SH3GL2: variants seen among roughly 807,000 people sequenced by gnomAD.
SH3GL2 encodes endophilin-A1.
Under a neutral mutation model 46.0 loss-of-function variants are expected in SH3GL2, and 24 were observed. The observed-to-expected ratio is 0.52, with a 90% CI of 0.38 to 0.73. The LOEUF (loss-of-function observed/expected upper bound fraction) is 0.73. Ranked by LOEUF, SH3GL2 falls within the 30% of genes least tolerant of loss-of-function variation. The probability of loss-of-function intolerance (pLI) is 0.00; values close to 1 mark genes in which losing one functional copy is unlikely to be tolerated. For missense variants in SH3GL2, 413 were observed against 424.2 expected (o/e 0.97, Z 0.23); for synonymous variants, 196 against 147.1 (o/e 1.33, Z -2.40).
intron 1 of SH3GL2, among the ~76,000 whole-genome samples, chr9:17,629,497 C>T (rs1045328050): frequency 6.6e-6 from 1 of 152,082 alleles, no homozygotes; most frequent in African/African-American, 2.4e-5. Context: ...TCATAACATT[C>T]TTCCAAAAAA....
At chr9:17,598,521 T>C (rs1017827917) in intron 1 of SH3GL2, among the ~76,000 whole-genome samples, 2 of 152,166 alleles carry the variant, frequency 1.3e-5, no homozygotes, top group African/African-American at 4.8e-5. Context: ...CTTTGCAGAG[T>C]TGCGGGCCAA....
At chr9:17,654,615 T>C (rs956276618) in intron 1 of SH3GL2, among the ~76,000 whole-genome samples, 1 of 152,192 alleles carries the variant, frequency 6.6e-6, no homozygotes, top group Non-Finnish European at 1.5e-5. Context: ...TCTATCTATA[T>C]CATGTCTAGG....
At position 17,588,701 on chromosome 9, in the gene SH3GL2, T is replaced by C. The variant is rs540093845; in HGVS notation, c.45+9414T>C. Among the ~76,000 whole-genome samples, 48 of 152,346 alleles carry C rather than the reference T, an allele frequency of 3.2e-4. 1 individual carries two copies. In the South Asian group the frequency reaches 9.9e-3, roughly 32 times the overall value. ...TAAGAGCCCAGTCTAGCCAACGCCT[T>C]CATTTTGGCCTTGTGAGGCCCTCAA... On this transcript the variant is annotated intron_variant, in intron 1 of 8. Transcript: ENST00000380607.
intron 1 of SH3GL2, among the ~76,000 whole-genome samples, chr9:17,675,582 AAAGGTGCCTT>A (rs765852174): frequency 2.6e-5 from 4 of 152,214 alleles, no homozygotes; most frequent in Non-Finnish European, 5.9e-5. Flanking sequence ...GGAGAGTAAA[AAAGGTGCCTT>A]AAGGATGTAG....
At position 17,597,797 on chromosome 9, in the gene SH3GL2, G is replaced by A. The variant is rs370556619; in HGVS notation, c.45+18510G>A. Among the ~76,000 whole-genome samples, 16 of 152,142 alleles carry A rather than the reference G, an allele frequency of 1.1e-4. 1 individual carries two copies. In the East Asian group the frequency reaches 2.7e-3, roughly 26 times the overall value. On this transcript the variant is annotated intron_variant, in intron 1 of 8. Coordinates refer to ENST00000380607, the MANE Select transcript of SH3GL2 (RefSeq NM_003026.5). ...ATTTAAAAACTCTCTTTGGAGAGTTGCAAGGGCCTGCCTGATCTGACCCTG... is the reference window on the plus strand; with the variant it reads ...ATTTAAAAACTCTCTTTGGAGAGTTACAAGGGCCTGCCTGATCTGACCCTG...
chr9:17,767,423 C>T (rs1228636658), intron 3 of SH3GL2, among the ~76,000 whole-genome samples: 2 of 152,166 alleles, frequency 1.3e-5, no homozygotes, highest in Non-Finnish European at 2.9e-5. Flanking sequence ...TAATCATGTC[C>T]TTCCAAAGAT....
At chr9:17,734,637 T>A (rs1822274726) in intron 1 of SH3GL2, among the ~76,000 whole-genome samples, 2 of 152,096 alleles carry the variant, frequency 1.3e-5, no homozygotes, top group African/African-American at 4.8e-5. Flanking sequence ...AATGAAGCAG[T>A]GATACATGTC....
chr9:17,685,588 G>GT (rs1277062657), intron 1 of SH3GL2, among the ~76,000 whole-genome samples: 5 of 151,944 alleles, frequency 3.3e-5, no homozygotes, highest in Non-Finnish European at 7.4e-5. Flanking sequence ...TAGGTCTAAC[G>GT]TTTAAGTCTT....
chr9:17,579,344 C>T, intron 1 of SH3GL2, 57 bp downstream of exon 1: 2 of 1,277,308 alleles, frequency 1.6e-6, no homozygotes, highest in Non-Finnish European at 1.1e-6. Context: ...GCGAGGGGCG[C>T]GCTCGGCGCT....
intron 1 of SH3GL2, among the ~76,000 whole-genome samples, chr9:17,693,813 G>T (rs966184339): frequency 2.0e-5 from 3 of 152,160 alleles, no homozygotes; most frequent in African/African-American, 7.2e-5. Flanking sequence ...TTGCTTTCAG[G>T]ATAGACACTG....
chr9:17,775,961 A>G (rs1246853897), intron 3 of SH3GL2, among the ~76,000 whole-genome samples: 1 of 152,218 alleles, frequency 6.6e-6, no homozygotes, highest in East Asian at 1.9e-4. Flanking sequence ...CAGTGAAAGA[A>G]GGAAGCCACT....
chr9:17,651,829 T>C (rs1422801814), intron 1 of SH3GL2, among the ~76,000 whole-genome samples: 3 of 152,192 alleles, frequency 2.0e-5, no homozygotes, highest in Non-Finnish European at 4.4e-5. Flanking sequence ...GTCTGTTTTC[T>C]CACTCATTAC....
intron 3 of SH3GL2, among the ~76,000 whole-genome samples, chr9:17,773,718 T>G (rs1823561138): frequency 6.6e-6 from 1 of 152,134 alleles, no homozygotes; most frequent in Non-Finnish European, 1.5e-5. Context: ...TGTAGTGAGT[T>G]TTCAAATCAG....
chr9:17,582,674 C>G (rs1818298589), intron 1 of SH3GL2, among the ~76,000 whole-genome samples: 1 of 152,212 alleles, frequency 6.6e-6, no homozygotes, highest in South Asian at 2.1e-4. Flanking sequence ...CAAAGTACTA[C>G]AAACTGAGTC....
intron 1 of SH3GL2, among the ~76,000 whole-genome samples, chr9:17,627,197 G>A (rs1819301882): frequency 6.6e-6 from 1 of 152,080 alleles, no homozygotes; most frequent in Non-Finnish European, 1.5e-5. Context: ...GTTTTTATTA[G>A]CACTCACCAA....
At chr9:17,729,556 A>G (rs1482567009) in intron 1 of SH3GL2, among the ~76,000 whole-genome samples, 6 of 152,120 alleles carry the variant, frequency 3.9e-5, no homozygotes, top group Non-Finnish European at 5.9e-5. Context: ...CCTGAATGGT[A>G]TTGCCTAGGT....
chr9:17,734,851 A>G (rs1023955497), intron 1 of SH3GL2, among the ~76,000 whole-genome samples: 6 of 152,144 alleles, frequency 3.9e-5, no homozygotes, highest in African/African-American at 1.4e-4. Context: ...TCTTTTTGGT[A>G]TGATGAAAGC....
At chr9:17,770,611 C>G (rs940929663) in intron 3 of SH3GL2, among the ~76,000 whole-genome samples, 3 of 152,130 alleles carry the variant, frequency 2.0e-5, no homozygotes, top group African/African-American at 4.8e-5. Context: ...ATTATATGGC[C>G]AAATCGATGG....
chr9:17,718,008 A>G (rs538998550), intron 1 of SH3GL2, among the ~76,000 whole-genome samples: 1 of 152,192 alleles, frequency 6.6e-6, no homozygotes, highest in Admixed American at 6.5e-5. Context: ...GTTGCAGGTT[A>G]TTTGGGCTTG....
Sources: allele counts gnomAD v4.1 joint callset (sites outside exome capture counted in the v4.1 genomes callset), GRCh38; gene constraint gnomAD v4.1.1; transcripts MANE v1.5; gene names NCBI Gene and HGNC (gene_info 2026-07-23, HGNC 2026-07-21).